NEBL: variants seen among roughly 807,000 people sequenced by gnomAD.
The protein encoded by NEBL is LIM and SH3 protein 2.
Under a neutral mutation model 140.2 loss-of-function variants are expected in NEBL, and 122 were observed. The observed-to-expected ratio is 0.87, with a 90% CI of 0.75 to 1.01. The LOEUF is 1.01. Ranked by LOEUF, NEBL falls within the 50% of genes least tolerant of loss-of-function variation. NEBL has a pLI of 0.00. For missense variants in NEBL, 1,365 were observed against 1,231.3 expected (o/e 1.11, Z -1.62); for synonymous variants, 436 against 398.9 (o/e 1.09, Z -1.11).
chr10:20,994,204 T>G (rs1422114748), intron 3 of NEBL, among the ~76,000 whole-genome samples: 1 of 152,228 alleles, frequency 6.6e-6, no homozygotes. Flanking sequence ...ATATACCTTT[T>G]CACTGAGTCA....
chr10:21,180,727 A>C lies in NEBL; in HGVS notation n.349-8250T>G, dbSNP rs145375482. Among the ~76,000 whole-genome samples, 401 of 152,140 alleles carry C rather than the reference A, an allele frequency of 2.6e-3. 2 individuals are homozygous for C. The highest frequency in any genetic ancestry group is 9.4e-3 in the African/African-American group (389 of 41,494). On this transcript the variant is annotated intron_variant and non_coding_transcript_variant, in intron 3 of 8. Transcript: ENST00000675702. ...ATCTAATTCTGCCAATTTTATCTCC[A>C]AAAAAAGCTCTTGAATCATCCCCAC... is the stretch of plus-strand genomic sequence containing the variant.
At chr10:21,220,160 A>G (rs145838953) in intron 3 of NEBL, among the ~76,000 whole-genome samples, 1,549 of 152,214 alleles carry the variant, frequency 0.01, 27 homozygotes, top group African/African-American at 0.034. Context: ...TGATCCGCCC[A>G]TCTTGGCCTC....
chr10:20,813,646 G>A, intron 23 of NEBL: 1 of 318,198 alleles, frequency 3.1e-6, no homozygotes, highest in Non-Finnish European at 5.9e-6. Context: ...ACCAAATTTT[G>A]TCTTAGAATT....
At chr10:20,796,394 A>C (rs145077579) in intron 26 of NEBL, among the ~76,000 whole-genome samples, 3 of 145,100 alleles carry the variant, frequency 2.1e-5, no homozygotes, top group Admixed American at 1.4e-4. Context: ...AAAAAAAAAA[A>C]CTTCTCTAAA....
rs1441006827 is a variant in NEBL, at chr10:21,029,511, T to G, written c.165-9310A>C. The stretch of plus-strand genomic sequence containing the variant: ...ACAGGAGAATTCGAGTGGACGTTGC[T>G]GATCAAGCACAGGATACAGACAGGG... On this transcript the variant is annotated intron_variant, in intron 2 of 6. Transcript: ENST00000417816. 1.9e-6 allele frequency: 3 copies of G among 1,610,510 alleles called. No homozygotes were observed. The African/African-American group carries it at 4.0e-5, about 22-fold the overall frequency.
chr10:21,264,321 T>C (rs558368211), intron 1 of NEBL, among the ~76,000 whole-genome samples: 2 of 152,314 alleles, frequency 1.3e-5, no homozygotes, highest in South Asian at 4.1e-4. Flanking sequence ...TGCAGCACCA[T>C]TGTCCATGGC....
chr10:21,200,725 G>A (rs976029984), intron 3 of NEBL, among the ~76,000 whole-genome samples: 10 of 152,184 alleles, frequency 6.6e-5, no homozygotes. Context: ...GAGGCGAGCT[G>A]TGGTCAGCTG....
chr10:21,035,467 A>C (rs979612447), intron 2 of NEBL, among the ~76,000 whole-genome samples: 2 of 152,182 alleles, frequency 1.3e-5, no homozygotes, highest in African/African-American at 2.4e-5. Flanking sequence ...AGCAAATCAC[A>C]CTTTCTTCCT....
At chr10:20,896,254 T>C (rs1774393327) in intron 2 of NEBL, among the ~76,000 whole-genome samples, 1 of 151,978 alleles carries the variant, frequency 6.6e-6, no homozygotes, top group Non-Finnish European at 1.5e-5. Context: ...GTGAGCAACA[T>C]TTTTCCTTGT....
At chr10:20,983,347 C>T (rs1837129480) in intron 3 of NEBL, among the ~76,000 whole-genome samples, 1 of 152,108 alleles carries the variant, frequency 6.6e-6, no homozygotes, top group African/African-American at 2.4e-5. Context: ...AAAGTATGTG[C>T]TAAACTTCAA....
chr10:21,151,678 C>T (rs1266941597), intron 2 of NEBL, among the ~76,000 whole-genome samples: 1 of 152,094 alleles, frequency 6.6e-6, no homozygotes, highest in East Asian at 1.9e-4. Context: ...TCCACACAGG[C>T]TTCCTGCCTG....
At chr10:21,189,912 G>A (rs575652353) in intron 3 of NEBL, among the ~76,000 whole-genome samples, 1 of 152,144 alleles carries the variant, frequency 6.6e-6, no homozygotes, top group Admixed American at 6.5e-5. Flanking sequence ...GGGCATCACA[G>A]CATCTCATCT....
Position 21,281,537 on chromosome 10 carries a change from T to A in NEBL, n.182+11293A>T, listed in dbSNP as rs199840346. ...TTTTTAGAGCCATTTTAGGTTGACA[T>A]GAAATGGGGTAAAATGTGCAGAGTT... On this transcript the variant is annotated intron_variant and non_coding_transcript_variant, in intron 1 of 8. Transcript: ENST00000675702. 7.9e-5 allele frequency among the ~76,000 whole-genome samples: 12 copies of A among 152,046 alleles called. No homozygotes were observed. The East Asian group carries it at 9.7e-4, about 12-fold the overall frequency.
chr10:21,140,783 G>A (rs544968805), intron 2 of NEBL, among the ~76,000 whole-genome samples: 37 of 152,064 alleles, frequency 2.4e-4, no homozygotes, highest in Non-Finnish European at 4.4e-4. Flanking sequence ...ACACATGGGG[G>A]CCTGTCGGGG....
intron 1 of NEBL, among the ~76,000 whole-genome samples, chr10:21,259,182 G>T (rs1264966462): frequency 6.6e-6 from 1 of 151,896 alleles, no homozygotes; most frequent in East Asian, 1.9e-4. Flanking sequence ...CCGCCTCTTA[G>T]GTTCAAGCGA....
chr10:20,800,694 A>C lies in NEBL; in HGVS notation c.2761+7816T>G, dbSNP rs375110656. The stretch of plus-strand genomic sequence containing the variant: ...TCTGCATAAACGACAAATGCTCACA[A>C]TAAGAGAGGTTGCGATATTTGAAAA... On this transcript the variant is annotated intron_variant, in intron 26 of 27. Coordinates refer to ENST00000377122, the MANE Select transcript of NEBL (RefSeq NM_006393.3). Among the ~76,000 whole-genome samples, 168 of 148,338 alleles carry C rather than the reference A, an allele frequency of 1.1e-3. 1 individual carries two copies. The highest frequency in any genetic ancestry group is 4.0e-3 in the African/African-American group (161 of 39,918).
At chr10:20,829,192 T>C (rs570780663) in intron 16 of NEBL, among the ~76,000 whole-genome samples, 56 of 152,226 alleles carry the variant, frequency 3.7e-4, no homozygotes, top group African/African-American at 1.3e-3. Flanking sequence ...TCAGTGAAGT[T>C]AATTATTCTG....
chr10:21,217,351 C>A (rs1485921231), intron 3 of NEBL, among the ~76,000 whole-genome samples: 1 of 152,196 alleles, frequency 6.6e-6, no homozygotes, highest in Admixed American at 6.5e-5. Context: ...AAATTACAGG[C>A]ATAGACTTGC....
intron 3 of NEBL, among the ~76,000 whole-genome samples, chr10:20,982,779 A>G (rs1424044991): frequency 6.6e-6 from 1 of 151,986 alleles, no homozygotes; most frequent in Non-Finnish European, 1.5e-5. Context: ...TTAATATTTT[A>G]TTTTTCAACC....
Sources: gnomAD v4.1 joint callset for allele counts (sites outside exome capture counted in the v4.1 genomes callset) on GRCh38, gnomAD v4.1.1 for gene constraint, MANE v1.5 for transcripts, NCBI Gene and HGNC (gene_info 2026-07-23, HGNC 2026-07-21) for gene names.